Variants in XKR6 observed in about 807,000 individuals in gnomAD.
XKR6 encodes the protein XK related 6, also known as XK-related protein 6.
In XKR6, 22 loss-of-function variants were observed where a neutral mutation model predicts 56.7. The ratio of observed to expected loss-of-function variants is 0.39; its 90% CI spans 0.28 to 0.55. The LOEUF is 0.55. Ranked by LOEUF, XKR6 falls within the 20% of genes least tolerant of loss-of-function variation. XKR6 has a pLI of 0.66. For missense variants in XKR6, 852 were observed against 889.0 expected, an observed-to-expected ratio of 0.96 and a Z score of 0.53; for synonymous variants, 524 against 387.8, an observed-to-expected ratio of 1.35 and a Z score of -4.13.
intron 1 of XKR6, among the ~76,000 whole-genome samples, chr8:11,133,385 AG>A (rs1482495465): frequency 1.3e-5 from 2 of 152,142 alleles, no homozygotes; most frequent in African/African-American, 4.8e-5. Context: ...GACCTAACTC[AG>A]AGGACCCTGG....
At chr8:11,171,023 T>TA (rs1245386652) in intron 1 of XKR6, among the ~76,000 whole-genome samples, 1 of 152,254 alleles carries the variant, frequency 6.6e-6, no homozygotes, top group African/African-American at 2.4e-5. Flanking sequence ...TGACTCTTCC[T>TA]AGTTTAGAAA....
chr8:11,021,041 G>A (rs1329707716), intron 1 of XKR6, among the ~76,000 whole-genome samples: 2 of 152,024 alleles, frequency 1.3e-5, no homozygotes, highest in Admixed American at 6.5e-5. Context: ...AGGGACCCTA[G>A]GGGGTCCTAT....
At chr8:11,068,608 G>A (rs1470289648) in intron 1 of XKR6, among the ~76,000 whole-genome samples, 1 of 152,182 alleles carries the variant, frequency 6.6e-6, no homozygotes, top group Non-Finnish European at 1.5e-5. Flanking sequence ...CATCTCGGCA[G>A]GTCCTGGTGC....
intron 1 of XKR6, among the ~76,000 whole-genome samples, chr8:11,139,987 T>A (rs539729000): frequency 6.6e-6 from 1 of 152,022 alleles, no homozygotes; most frequent in East Asian, 1.9e-4. Flanking sequence ...CTTTTTAAAG[T>A]TCAAAAAGCG....
At chr8:10,981,172 T>C (rs1364164419) in intron 1 of XKR6, among the ~76,000 whole-genome samples, 1 of 152,192 alleles carries the variant, frequency 6.6e-6, no homozygotes, top group Non-Finnish European at 1.5e-5. Flanking sequence ...GAACAGCTCT[T>C]GCAATACTGA....
At chr8:11,175,970 G>C (rs1802635381) in intron 1 of XKR6, among the ~76,000 whole-genome samples, 1 of 152,150 alleles carries the variant, frequency 6.6e-6, no homozygotes, top group African/African-American at 2.4e-5. Flanking sequence ...TACATTTGAA[G>C]CCTGACAAAT....
In XKR6 at chr8:11,201,243, C is replaced by G; in HGVS notation, c.97G>C (p.Glu33Gln). ...AVGSGGEEDG[E>Q]PGGGGCGGGG... ...CCGCCGCAGCCGCCTCCCCCGGGCT[C>G]CCCGTCCTCCTCGCCGCCGCTGCCC... The change falls in exon 1 of 3, where the codon GAG becomes CAG. Residue 33 changes from glutamate to glutamine, a missense_variant. Glu to Gln is a conservative substitution (Grantham distance 29). This residue lies in a region of XKR6 where 417 missense variants were observed against 355.2 expected (regional missense o/e 1.17). Coordinates refer to ENST00000416569, the MANE Select transcript of XKR6 (RefSeq NM_173683.4). 6 of 1,561,958 alleles carry G rather than the reference C, an allele frequency of 3.8e-6. No homozygotes were observed. The highest frequency in any genetic ancestry group is 5.2e-6 in the Non-Finnish European group (6 of 1,163,668).
chr8:11,200,678 C>G lies in XKR6; in HGVS notation c.662G>C (p.Gly221Ala). The change falls in exon 1 of 3, where the codon GGC becomes GCC. Residue 221 changes from glycine to alanine, a missense_variant. Around this residue, in one of 4 missense-constraint regions of XKR6, gnomAD observed 417 missense variants for 355.2 expected, o/e 1.17. Transcript: ENST00000416569. The surrounding 1 kb of genome is among the most constrained non-coding windows in gnomAD (Gnocchi z 6.4). ...YVHGAARGGP[G>A]VRVSPTPGAQ... ...CCCCGGCGTGGGGGAGACCCTCACG[C>G]CTGGGCCACCGCGGGCCGCGCCGTG... 6.4e-7 allele frequency: 1 copy of G among 1,568,028 alleles called. No homozygotes were observed. Among genetic ancestry groups the G allele is most frequent in the South Asian group, 1.2e-5 (1 of 85,762 alleles).
chr8:10,906,695 G>C (rs77584013), intron 2 of XKR6, among the ~76,000 whole-genome samples: 2 of 152,168 alleles, frequency 1.3e-5, no homozygotes, highest in African/African-American at 4.8e-5. Context: ...TTTCCACAAG[G>C]AGTCACTTTA....
In XKR6 at chr8:10,922,694, G is replaced by A. The variant is rs779123487; in HGVS notation, c.961+1940C>T. Reference sequence around the variant, plus strand: ...TGTGGGCAGCCAATCACACCAGTTCGTTGCCAAGCATACAGCCTGGGTCCT... The same window carrying A: ...TGTGGGCAGCCAATCACACCAGTTCATTGCCAAGCATACAGCCTGGGTCCT... On this transcript the variant is annotated intron_variant, in intron 2 of 2. Coordinates refer to ENST00000416569, the MANE Select transcript of XKR6 (RefSeq NM_173683.4). Among the ~76,000 whole-genome samples the A allele has an allele frequency of 5.3e-5, 8 of 152,304 alleles. 1 individual carries two copies. In the South Asian group the frequency reaches 1.0e-3, roughly 20 times the overall value.
At chr8:11,157,957 C>A (rs1424778851) in intron 1 of XKR6, among the ~76,000 whole-genome samples, 2 of 152,222 alleles carry the variant, frequency 1.3e-5, no homozygotes, top group Non-Finnish European at 2.9e-5. Context: ...AAGGGTGTTA[C>A]ACTCAAACCA....
At chr8:10,920,500 T>A (rs993214686) in intron 2 of XKR6, among the ~76,000 whole-genome samples, 2 of 152,222 alleles carry the variant, frequency 1.3e-5, no homozygotes, top group African/African-American at 4.8e-5. Flanking sequence ...CAGGCACCCA[T>A]GTGACTGGGA....
At position 10,926,914 on chromosome 8, in the gene XKR6, GAGAGACCCAGAGAGATAGAGGC is replaced by G. The variant is rs996344027; in HGVS notation, c.765-2106_765-2085del. On this transcript the variant is annotated intron_variant, in intron 1 of 2. Coordinates refer to ENST00000416569, the MANE Select transcript of XKR6 (RefSeq NM_173683.4). ...TCACAGTCACTAAGAGAGGGGGAGG[GAGAGACCCAGAGAGATAGAGGC>G]AGAGACATAGAGATAGACAGTGAGA... is the stretch of plus-strand genomic sequence containing the variant. Among the ~76,000 whole-genome samples, 7 of 152,210 alleles carry G rather than the reference GAGAGACCCAGAGAGATAGAGGC, an allele frequency of 4.6e-5. 1 individual carries two copies. The highest frequency in any genetic ancestry group is 1.7e-4 in the African/African-American group (7 of 41,460).
intron 1 of XKR6, among the ~76,000 whole-genome samples, chr8:11,122,398 G>C (rs1799500676): frequency 6.6e-6 from 1 of 152,226 alleles, no homozygotes; most frequent in Non-Finnish European, 1.5e-5. Context: ...TAGTTATATA[G>C]CTGAACCATT....
At chr8:11,188,513 T>A (rs1411820046) in intron 1 of XKR6, among the ~76,000 whole-genome samples, 1 of 152,204 alleles carries the variant, frequency 6.6e-6, no homozygotes, top group Admixed American at 6.5e-5. Context: ...ATATATACCA[T>A]CACCCTCTAG....
At chr8:11,037,675 T>C (rs1799179613) in intron 1 of XKR6, among the ~76,000 whole-genome samples, 1 of 152,084 alleles carries the variant, frequency 6.6e-6, no homozygotes, top group African/African-American at 2.4e-5. Flanking sequence ...CTGGCCAACA[T>C]GGTGAAACCC....
intron 1 of XKR6, among the ~76,000 whole-genome samples, chr8:11,130,723 G>A (rs1219774062): frequency 6.6e-6 from 1 of 151,512 alleles, no homozygotes; most frequent in African/African-American, 2.4e-5. Context: ...TCCATCACAA[G>A]CCAAGGGATA....
At chr8:10,940,602 A>G (rs1801359962) in intron 1 of XKR6, among the ~76,000 whole-genome samples, 1 of 152,322 alleles carries the variant, frequency 6.6e-6, no homozygotes, top group Admixed American at 6.5e-5. Context: ...GTCCGGGAGC[A>G]GAGCTGGTTC....
At chr8:10,913,370 T>A (rs1352930551) in intron 2 of XKR6, among the ~76,000 whole-genome samples, 2 of 151,870 alleles carry the variant, frequency 1.3e-5, no homozygotes, top group Non-Finnish European at 2.9e-5. Flanking sequence ...ATTTATAAGG[T>A]GAAAATGAGG....
Sources: allele counts gnomAD v4.1 joint callset (sites outside exome capture counted in the v4.1 genomes callset), GRCh38; gene constraint gnomAD v4.1.1; regional missense constraint gnomAD v4.1.1; non-coding constraint Gnocchi (gnomAD v3.1); transcripts MANE v1.5; gene names NCBI Gene and HGNC (gene_info 2026-07-23, HGNC 2026-07-21).